The following PTPRN2 variants were observed in gnomAD, a reference collection of about 807,000 sequenced individuals.
PTPRN2 encodes receptor-type tyrosine-protein phosphatase N2.
A neutral mutation model predicts 118.8 loss-of-function variants in PTPRN2; 74 were observed. That is an observed-to-expected ratio of 0.62 (90% confidence interval 0.52 to 0.76). The LOEUF is 0.76. PTPRN2 is among the 30% of genes least tolerant of loss of function. PTPRN2 has a pLI of 0.00. For synonymous variants in PTPRN2, 641 were observed against 608.0 expected (o/e 1.05, Z -0.80); for missense variants, 1,481 against 1,394.4 (o/e 1.06, Z -0.99).
chr7:157,695,537 A>G (rs1007671141), intron 12 of PTPRN2, among the ~76,000 whole-genome samples: 2 of 152,248 alleles, frequency 1.3e-5, no homozygotes, highest in African/African-American at 4.8e-5. Flanking sequence ...GCATATATTT[A>G]AAGAAAACAA....
chr7:158,146,713 T>A (rs1406914465), intron 6 of PTPRN2, among the ~76,000 whole-genome samples: 7 of 141,556 alleles, frequency 4.9e-5, no homozygotes, highest in East Asian at 2.0e-4. Flanking sequence ...AGAGCGAGAC[T>A]CTGCCTCAAA....
At chr7:157,792,145 G>A (rs951902732) in intron 12 of PTPRN2, among the ~76,000 whole-genome samples, 2 of 152,228 alleles carry the variant, frequency 1.3e-5, no homozygotes, top group African/African-American at 4.8e-5. Context: ...TCAATCGAGT[G>A]ACTCTTACAG....
At position 158,571,525 on chromosome 7, in the gene PTPRN2, CTTT is replaced by C. The variant is rs552051165; in HGVS notation, c.112+16030_112+16032del. On this transcript the variant is annotated intron_variant, in intron 1 of 22. Transcript: ENST00000389418. ...AACAAAAAAAAACACACACCTATTT[CTTT>C]TTTTTTTTTTTTTTTTTTCTTTTGA... Among the ~76,000 whole-genome samples, 540 of 71,790 alleles carry C rather than the reference CTTT, an allele frequency of 7.5e-3. 2 individuals are homozygous for C. Among genetic ancestry groups the C allele is most frequent in the African/African-American group, 0.023 (506 of 21,664 alleles). The allele number at this position is 71,790 out of a possible 152,430, so 47.1% of individuals were successfully genotyped here.
intron 12 of PTPRN2, among the ~76,000 whole-genome samples, chr7:157,767,688 C>T (rs1323324161): frequency 6.6e-6 from 1 of 152,192 alleles, no homozygotes; most frequent in Non-Finnish European, 1.5e-5. Flanking sequence ...TGTGCCTCTG[C>T]AGTGTGGTGA....
At chr7:157,691,911 G>A (rs1797521128) in intron 12 of PTPRN2, among the ~76,000 whole-genome samples, 1 of 152,122 alleles carries the variant, frequency 6.6e-6, no homozygotes, top group Non-Finnish European at 1.5e-5. Flanking sequence ...CTGGACCCCG[G>A]GCCACAGCCA....
intron 15 of PTPRN2, chr7:157,616,031 C>T (rs1405757593): frequency 1.6e-5 from 3 of 187,350 alleles, no homozygotes; most frequent in African/African-American, 2.4e-5. Flanking sequence ...TTCCAAGTCA[C>T]GGGAAACAGG....
intron 3 of PTPRN2, among the ~76,000 whole-genome samples, chr7:158,255,672 G>A (rs1222451200): frequency 4.6e-5 from 7 of 152,242 alleles, no homozygotes; most frequent in Admixed American, 1.3e-4. Context: ...CAGTTTCGAG[G>A]ACTCCATTCC....
chr7:157,815,331 C>T (rs1481556566), intron 12 of PTPRN2, among the ~76,000 whole-genome samples: 1 of 152,268 alleles, frequency 6.6e-6, no homozygotes, highest in African/African-American at 2.4e-5. Flanking sequence ...GTGGCCTCTT[C>T]CTCGGTCCTT....
At chr7:158,297,798 A>G (rs928015901) in intron 3 of PTPRN2, among the ~76,000 whole-genome samples, 1 of 152,174 alleles carries the variant, frequency 6.6e-6, no homozygotes, top group Non-Finnish European at 1.5e-5. Flanking sequence ...CTCCACATAT[A>G]TTTTGGAGAA....
chr7:157,649,097 A>G (rs1805407833), intron 14 of PTPRN2, among the ~76,000 whole-genome samples: 1 of 128,680 alleles, frequency 7.8e-6, no homozygotes, highest in African/African-American at 2.9e-5. Flanking sequence ...CTGTGCACTG[A>G]ACTCGGTGGG....
intron 11 of PTPRN2, among the ~76,000 whole-genome samples, chr7:157,966,462 CCAT>C (rs146674409): frequency 0.07 from 10,561 of 151,950 alleles, 467 homozygotes; most frequent in South Asian, 0.19. Context: ...ATCTTCATCA[CCAT>C]CATCATCTTT....
intron 1 of PTPRN2, among the ~76,000 whole-genome samples, chr7:158,553,782 C>T (rs1826813322): frequency 6.6e-6 from 1 of 152,102 alleles, no homozygotes; most frequent in African/African-American, 2.4e-5. Flanking sequence ...GTCTACACCA[C>T]CCTTCCTGCA....
At chr7:157,594,087 G>T (rs1801148242) in intron 17 of PTPRN2, among the ~76,000 whole-genome samples, 1 of 152,350 alleles carries the variant, frequency 6.6e-6, no homozygotes, top group Non-Finnish European at 1.5e-5. Context: ...AAAATGGGAT[G>T]ATGGCACCTG....
intron 5 of PTPRN2, among the ~76,000 whole-genome samples, chr7:158,171,238 T>C (rs149106466): frequency 0.014 from 864 of 63,926 alleles, 43 homozygotes; most frequent in African/African-American, 0.041. Flanking sequence ...CACATATATA[T>C]ACACATATAT....
intron 12 of PTPRN2, among the ~76,000 whole-genome samples, chr7:157,713,780 CGGAGCCACAGAACTGGTCTGGACAT>C (rs918583041): frequency 6.6e-6 from 1 of 152,228 alleles, no homozygotes; most frequent in African/African-American, 2.4e-5. Flanking sequence ...GCTACGGACA[CGGAGCCACAGAACTGGTCTGGACAT>C]GGAGCCACAG....
intron 11 of PTPRN2, among the ~76,000 whole-genome samples, chr7:157,966,607 C>T (rs1194808901): frequency 1.3e-5 from 2 of 151,880 alleles, no homozygotes. Flanking sequence ...CTATCACCAT[C>T]ACCATCATCA....
chr7:157,948,263 C>T (rs564957922), intron 11 of PTPRN2, among the ~76,000 whole-genome samples: 1 of 152,252 alleles, frequency 6.6e-6, no homozygotes, highest in South Asian at 2.1e-4. Context: ...TCTATGTTAA[C>T]AGCATACAAT....
intron 21 of PTPRN2, among the ~76,000 whole-genome samples, chr7:157,559,876 C>A (rs2150489692): frequency 6.6e-6 from 1 of 152,268 alleles, no homozygotes; most frequent in East Asian, 1.9e-4. Context: ...TTCTCAGGGG[C>A]CGCCTGCTGC....
At chr7:158,303,192 G>T in intron 3 of PTPRN2, among the ~76,000 whole-genome samples, 1 of 148,752 alleles carries the variant, frequency 6.7e-6, no homozygotes, top group Non-Finnish European at 1.5e-5. Context: ...AAAATTCTTT[G>T]GAGTCTTCAG....
Sources: allele counts gnomAD v4.1 joint callset (sites outside exome capture counted in the v4.1 genomes callset), GRCh38; gene constraint gnomAD v4.1.1; transcripts MANE v1.5; gene names NCBI Gene and HGNC (gene_info 2026-07-23, HGNC 2026-07-21).